The following CCDC148 variants were observed in gnomAD, a reference collection of about 807,000 sequenced individuals.
The protein encoded by CCDC148 is coiled-coil domain containing 148, also known as coiled-coil domain-containing protein 148.
CCDC148 carries 89 observed loss-of-function variants against 85.7 expected under a neutral mutation model. The observed-to-expected ratio is 1.04, with a 90% CI of 0.87 to 1.24. The LOEUF is 1.24. Among genes scored for constraint, CCDC148 ranks in the 50% most tolerant of loss-of-function variants. The pLI is 0.00. For missense variants in CCDC148, 692 were observed against 671.7 expected (o/e 1.03, Z -0.33); for synonymous variants, 230 against 213.9 (o/e 1.08, Z -0.66).
chr2:158,291,045 C>T (rs1288131980), intron 9 of CCDC148, among the ~76,000 whole-genome samples: 1 of 151,998 alleles, frequency 6.6e-6, no homozygotes, highest in Non-Finnish European at 1.5e-5. Context: ...CCTGACTCCC[C>T]ACCTCTAGCC....
chr2:158,240,459 C>T (rs1688307438), intron 10 of CCDC148, among the ~76,000 whole-genome samples: 1 of 119,560 alleles, frequency 8.4e-6, no homozygotes, highest in Non-Finnish European at 1.7e-5. Flanking sequence ...CTCTCACACA[C>T]ACACACACAC....
intron 11 of CCDC148, among the ~76,000 whole-genome samples, chr2:158,194,183 T>A (rs911324304): frequency 6.6e-6 from 1 of 152,104 alleles, no homozygotes; most frequent in Admixed American, 6.6e-5. Context: ...TTTTTTAAAA[T>A]TTAATAAAAA....
intron 7 of CCDC148, among the ~76,000 whole-genome samples, chr2:158,325,265 C>G (rs747170511): frequency 6.6e-6 from 1 of 152,102 alleles, no homozygotes; most frequent in African/African-American, 2.4e-5. Flanking sequence ...ATTGAACCTC[C>G]ATCTAAAGCC....
At chr2:158,451,978 C>G (rs775949768) in intron 1 of CCDC148, among the ~76,000 whole-genome samples, 1 of 151,872 alleles carries the variant, frequency 6.6e-6, no homozygotes, top group Non-Finnish European at 1.5e-5. Context: ...TCTCACAAAA[C>G]AAAAAGAAAA....
At chr2:158,193,419 G>C (rs1270360344) in intron 11 of CCDC148, among the ~76,000 whole-genome samples, 1 of 152,044 alleles carries the variant, frequency 6.6e-6, no homozygotes, top group Non-Finnish European at 1.5e-5. Flanking sequence ...AGCTATGGAA[G>C]TCCTAGGAGG....
intron 9 of CCDC148, among the ~76,000 whole-genome samples, chr2:158,274,915 G>A (rs899202999): frequency 6.6e-6 from 1 of 152,214 alleles, no homozygotes; most frequent in Non-Finnish European, 1.5e-5. Flanking sequence ...ATTCTCAGAA[G>A]CAAAGATAAA....
rs150123207 is a variant in CCDC148 at position 158,181,279 on chromosome 2, A to G, written c.1371-2283T>C. 1.7e-3 allele frequency among the ~76,000 whole-genome samples: 260 copies of G among 152,272 alleles called. 1 individual carries two copies. Among genetic ancestry groups the G allele is most frequent in the African/African-American group, 6.0e-3 (251 of 41,574 alleles). ...CTTGACTAGTGAGGAAGAAATTGCA[A>G]ATGAGAGAAAGGCATTTGTACTTGT... On this transcript the variant is annotated intron_variant, in intron 11 of 13. Transcript: ENST00000283233.
intron 8 of CCDC148, among the ~76,000 whole-genome samples, chr2:158,312,944 G>A (rs969192430): frequency 9.2e-5 from 14 of 152,152 alleles, no homozygotes; most frequent in Non-Finnish European, 1.8e-4. Context: ...GAGTTTCCAC[G>A]TGATTGATAT....
Position 158,267,151 on chromosome 2 carries a change from A to T in CCDC148, c.1111-16239T>A, listed in dbSNP as rs532068058. 2.6e-5 allele frequency among the ~76,000 whole-genome samples: 4 copies of T among 152,120 alleles called. No individual in the cohort carries two copies. In the South Asian group the frequency reaches 6.2e-4, roughly 24 times the overall value. ...GGCCCTCTATTATCTGTCAAAGAAC[A>T]TTCATTCCTTTCTTCTCCCCACATA... On this transcript the variant is annotated intron_variant, in intron 9 of 13. Transcript: ENST00000283233.
chr2:158,395,955 A>G (rs1685503186), intron 1 of CCDC148, among the ~76,000 whole-genome samples: 1 of 152,118 alleles, frequency 6.6e-6, no homozygotes, highest in Non-Finnish European at 1.5e-5. Context: ...ACAACATTTA[A>G]TAAACTGGGA....
At chr2:158,223,982 C>T (rs1687346495) in intron 10 of CCDC148, among the ~76,000 whole-genome samples, 1 of 152,114 alleles carries the variant, frequency 6.6e-6, no homozygotes, top group Non-Finnish European at 1.5e-5. Flanking sequence ...ATGACTTTGA[C>T]GAGTTGAGAG....
intron 11 of CCDC148, among the ~76,000 whole-genome samples, chr2:158,180,461 C>A (rs1169230893): frequency 6.6e-6 from 1 of 152,096 alleles, no homozygotes; most frequent in Non-Finnish European, 1.5e-5. Context: ...GTGGGAGGGG[C>A]TGGCTAAACT....
intron 9 of CCDC148, among the ~76,000 whole-genome samples, chr2:158,262,617 A>G (rs1401226811): frequency 1.3e-5 from 2 of 151,998 alleles, no homozygotes; most frequent in Admixed American, 1.3e-4. Context: ...AGGAAACTTA[A>G]AATCATGGCA....
intron 1 of CCDC148, among the ~76,000 whole-genome samples, chr2:158,379,330 G>T (rs1684779057): frequency 6.6e-6 from 1 of 152,176 alleles, no homozygotes; most frequent in African/African-American, 2.4e-5. Flanking sequence ...AACTTGAACA[G>T]ATGAGGAGTT....
At chr2:158,303,343 G>A (rs1275787012) in intron 9 of CCDC148, among the ~76,000 whole-genome samples, 1 of 152,138 alleles carries the variant, frequency 6.6e-6, no homozygotes, top group Non-Finnish European at 1.5e-5. Context: ...ACTCTTGTAT[G>A]CAAACCTTTG....
chr2:158,200,266 T>C (rs1685889775), intron 11 of CCDC148, among the ~76,000 whole-genome samples: 1 of 152,242 alleles, frequency 6.6e-6, no homozygotes, highest in South Asian at 2.1e-4. Flanking sequence ...TAAGGAATGC[T>C]GTTTAATTTA....
rs548001540 is a variant in CCDC148, at chr2:158,266,912, A to T, written c.1111-16000T>A. Among the ~76,000 whole-genome samples, 41 of 148,746 alleles carry T rather than the reference A, an allele frequency of 2.8e-4. No individual in the cohort carries two copies. In the East Asian group the frequency reaches 7.6e-3, roughly 28 times the overall value. On this transcript the variant is annotated intron_variant, in intron 9 of 13. Transcript: ENST00000283233. ...TTTATTTACATATATATATACACAC[A>T]CATATATACATATATATGCACACAT...
At chr2:158,390,526 A>G (rs2251568) in intron 1 of CCDC148, among the ~76,000 whole-genome samples, 134,184 of 152,164 alleles carry the variant, frequency 0.88, 59,715 homozygotes, top group Non-Finnish European at 0.95. Context: ...CCAAACTCTT[A>G]TAAACAAAAT....
intron 1 of CCDC148, among the ~76,000 whole-genome samples, chr2:158,420,790 G>A (rs1009484406): frequency 1.3e-5 from 2 of 152,116 alleles, no homozygotes; most frequent in Non-Finnish European, 2.9e-5. Context: ...TACACAGACT[G>A]GCAACTTGGA....
Sources: allele counts gnomAD v4.1 joint callset (sites outside exome capture counted in the v4.1 genomes callset), GRCh38; gene constraint gnomAD v4.1.1; transcripts MANE v1.5; gene names NCBI Gene and HGNC (gene_info 2026-07-23, HGNC 2026-07-21).